REDIC1: variants seen among roughly 807,000 people sequenced by gnomAD.
REDIC1 encodes the protein HEI10 Interacting Protein 1.
At chr12:39,820,775 A>ATATATATC in the REDIC1 span, among the ~76,000 whole-genome samples, 1 of 50,380 alleles carries the variant, frequency 2.0e-5, no homozygotes, top group Non-Finnish European at 3.9e-5. Context: ...ATATATATAT[A>ATATATATC]TAAAGCAACA....
At chr12:39,706,583 G>A in the REDIC1 span, among the ~76,000 whole-genome samples, 4,976 of 151,928 alleles carry the variant, frequency 0.033, 262 homozygotes, top group African/African-American at 0.11. Flanking sequence ...AACCAAAACA[G>A]CATGAGAAGT....
the REDIC1 span, chr12:39,683,445 C>T: frequency 8.1e-6 from 13 of 1,602,242 alleles, no homozygotes; most frequent in Non-Finnish European, 1.1e-5. Flanking sequence ...CAAGAGAAGA[C>T]ACCACAGAAA....
chr12:39,766,428 A>C, the REDIC1 span, among the ~76,000 whole-genome samples: 1 of 152,098 alleles, frequency 6.6e-6, no homozygotes, highest in Non-Finnish European at 1.5e-5. Flanking sequence ...GCTAACGATC[A>C]TCTGCACCTT....
At chr12:39,667,513 C>T in the REDIC1 span, among the ~76,000 whole-genome samples, 15 of 151,974 alleles carry the variant, frequency 9.9e-5, no homozygotes, top group East Asian at 5.8e-4. Flanking sequence ...GGAATAAGTG[C>T]GGTGTCGTGC....
chr12:39,720,641 C>T, the REDIC1 span: 2 of 681,798 alleles, frequency 2.9e-6, no homozygotes, highest in African/African-American at 3.6e-5. Context: ...GATGATATAC[C>T]TGCTTTGATT....
the REDIC1 span, among the ~76,000 whole-genome samples, chr12:39,888,636 G>T: frequency 6.6e-6 from 1 of 152,182 alleles, no homozygotes; most frequent in Non-Finnish European, 1.5e-5. Context: ...GGACAGAATT[G>T]CAAGAGAGCA....
the REDIC1 span, among the ~76,000 whole-genome samples, chr12:39,865,981 G>A: frequency 6.6e-6 from 1 of 152,172 alleles, no homozygotes; most frequent in African/African-American, 2.4e-5. Context: ...TCTGAGATAT[G>A]TGTTAACTTA....
the REDIC1 span, among the ~76,000 whole-genome samples, chr12:39,887,486 A>G: frequency 2.0e-5 from 3 of 152,204 alleles, no homozygotes; most frequent in Non-Finnish European, 4.4e-5. Context: ...GGGACTTTTC[A>G]CAACAGGGAT....
the REDIC1 span, chr12:39,760,184 T>C: frequency 5.0e-6 from 8 of 1,612,688 alleles, no homozygotes; most frequent in African/African-American, 6.7e-5. Context: ...TTGCCTTTGG[T>C]CTCAGGAAGA....
chr12:39,665,914 T>A, the REDIC1 span, among the ~76,000 whole-genome samples: 1 of 152,216 alleles, frequency 6.6e-6, no homozygotes, highest in Admixed American at 6.5e-5. Context: ...TTTTTGCACA[T>A]TGATTTTGTA....
At chr12:39,642,302 C>G in the REDIC1 span, among the ~76,000 whole-genome samples, 1 of 151,606 alleles carries the variant, frequency 6.6e-6, no homozygotes, top group African/African-American at 2.4e-5. Context: ...GGCTTAGTCC[C>G]TTTGACAGTC....
chr12:39,882,320 T>C, the REDIC1 span, among the ~76,000 whole-genome samples: 1 of 152,184 alleles, frequency 6.6e-6, no homozygotes, highest in Non-Finnish European at 1.5e-5. Context: ...CAACAAATTT[T>C]CAGGTGATGC....
chr12:39,653,420 G>T, the REDIC1 span, among the ~76,000 whole-genome samples: 6 of 151,186 alleles, frequency 4.0e-5, no homozygotes, highest in South Asian at 2.1e-4. Context: ...TTGAGTAGGG[G>T]TTTTTTTAAA....
chr12:39,718,864 G>C, the REDIC1 span, among the ~76,000 whole-genome samples: 2,473 of 152,072 alleles, frequency 0.016, 63 homozygotes, highest in African/African-American at 0.054. Context: ...ACCATGCTTT[G>C]CTGGCATTAA....
At chr12:39,652,247 C>A in the REDIC1 span, among the ~76,000 whole-genome samples, 1 of 152,052 alleles carries the variant, frequency 6.6e-6, no homozygotes, top group African/African-American at 2.4e-5. Flanking sequence ...TACTTCATTT[C>A]TCCTGGGTGC....
At chr12:39,720,187 T>G in the REDIC1 span, among the ~76,000 whole-genome samples, 3 of 151,944 alleles carry the variant, frequency 2.0e-5, no homozygotes, top group African/African-American at 7.2e-5. Context: ...AGTTGAGATA[T>G]GTATTGCTTA....
At chr12:39,897,451 T>G in the REDIC1 span, among the ~76,000 whole-genome samples, 1 of 152,184 alleles carries the variant, frequency 6.6e-6, no homozygotes, top group East Asian at 1.9e-4. Flanking sequence ...ATAAGTAGGA[T>G]GCAGATGTTT....
the REDIC1 span, among the ~76,000 whole-genome samples, chr12:39,711,932 T>G: frequency 7.9e-6 from 1 of 126,950 alleles, no homozygotes; most frequent in Non-Finnish European, 1.7e-5. Context: ...CATGTCTATA[T>G]GTATATAGAC....
the REDIC1 span, among the ~76,000 whole-genome samples, chr12:39,844,167 A>G: frequency 6.6e-6 from 1 of 152,076 alleles, no homozygotes; most frequent in Non-Finnish European, 1.5e-5. Context: ...TCCTTCCAAT[A>G]TAGTTAACTA....
Sources: gnomAD v4.1 joint callset for allele counts (sites outside exome capture counted in the v4.1 genomes callset) on GRCh38, gnomAD v4.1.1 for gene constraint, MANE v1.5 for transcripts, NCBI Gene and HGNC (gene_info 2026-07-23, HGNC 2026-07-21) for gene names.